CRB1: variants seen among roughly 807,000 people sequenced by gnomAD.
CRB1 encodes the protein protein crumbs homolog 1.
CRB1 carries 83 observed loss-of-function variants against 120.0 expected under a neutral mutation model. The observed-to-expected ratio is 0.69, with a 90% CI of 0.58 to 0.83. The LOEUF (loss-of-function observed/expected upper bound fraction) is 0.83. Among genes scored for constraint, CRB1 ranks in the 40% least tolerant of loss-of-function variants. The pLI, the probability that CRB1 is intolerant of heterozygous loss-of-function variation, is 0.00. For synonymous variants in CRB1, 625 were observed against 612.5 expected (o/e 1.02, Z -0.30); for missense variants, 1,699 against 1,687.6 (o/e 1.01, Z -0.12).
At position 197,430,897 on chromosome 1, in the gene CRB1, A is replaced by C. The variant is rs78570538; in HGVS notation, c.2842+1283A>C. 3.1e-3 allele frequency among the ~76,000 whole-genome samples: 473 copies of C among 151,980 alleles called. 2 individuals are homozygous for C. The highest frequency in any genetic ancestry group is 6.8e-3 in the Middle Eastern group (2 of 292). On this transcript the variant is annotated intron_variant, in intron 8 of 11. Transcript: ENST00000367400. The stretch of plus-strand genomic sequence containing the variant: ...TGCTGTGGACATTAAGTACATTATC[A>C]GCTTACTATAAAAAAAATACATGCT...
chr1:197,227,960 T>A, the CRB1 span, among the ~76,000 whole-genome samples: 11 of 152,210 alleles, frequency 7.2e-5, no homozygotes, highest in African/African-American at 2.7e-4. Context: ...GTTTGGGGCT[T>A]ACGTCCTCTG....
chr1:197,442,925 G>C (rs1160911163), intron 11 of CRB1: 1 of 157,008 alleles, frequency 6.4e-6, no homozygotes, highest in African/African-American at 2.4e-5. Context: ...AGGAGTTTGA[G>C]ACCAGCCTAG....
chr1:197,299,195 TGAA>T (rs1656721599), intron 1 of CRB1, among the ~76,000 whole-genome samples: 1 of 151,952 alleles, frequency 6.6e-6, no homozygotes. Flanking sequence ...AAATGAGACA[TGAA>T]GAACTATTTC....
chr1:197,474,105 T>A (rs1667102222), intron 11 of CRB1, among the ~76,000 whole-genome samples: 1 of 152,184 alleles, frequency 6.6e-6, no homozygotes, highest in African/African-American at 2.4e-5. Context: ...GCAAATAGAA[T>A]TAGGGAAAAT....
intron 5 of CRB1, among the ~76,000 whole-genome samples, chr1:197,362,991 T>G (rs1660854561): frequency 6.6e-6 from 1 of 152,176 alleles, no homozygotes; most frequent in Non-Finnish European, 1.5e-5. Context: ...TTTTGGGATT[T>G]CATCTTGATT....
intron 5 of CRB1, among the ~76,000 whole-genome samples, chr1:197,394,003 T>A (rs1354707854): frequency 1.3e-5 from 2 of 152,150 alleles, no homozygotes; most frequent in Non-Finnish European, 2.9e-5. Context: ...CCACAAAATT[T>A]ATAGCGGTTT....
chr1:197,230,797 A>C, the CRB1 span, among the ~76,000 whole-genome samples: 1 of 152,230 alleles, frequency 6.6e-6, no homozygotes, highest in Admixed American at 6.5e-5. Flanking sequence ...GGTAGAGGTG[A>C]ATATAGAGCA....
chr1:197,329,132 A>C (rs1658707022), intron 2 of CRB1, 129 bp downstream of exon 2: 1 of 825,118 alleles, frequency 1.2e-6, no homozygotes. Context: ...GGAATCAATC[A>C]CTAGATAGAA....
At chr1:197,330,922 C>T (rs1372405160) in intron 2 of CRB1, among the ~76,000 whole-genome samples, 2 of 152,102 alleles carry the variant, frequency 1.3e-5, no homozygotes, top group Non-Finnish European at 2.9e-5. Flanking sequence ...CGGCCAGGCG[C>T]GGTGGCTCAC....
the CRB1 span, among the ~76,000 whole-genome samples, chr1:197,242,857 T>C: frequency 8.5e-5 from 13 of 152,170 alleles, no homozygotes; most frequent in Non-Finnish European, 1.6e-4. Context: ...CAGAAATTGT[T>C]ATTGGTCTAT....
chr1:197,351,057 T>G (rs1660062631), intron 4 of CRB1, among the ~76,000 whole-genome samples: 1 of 151,790 alleles, frequency 6.6e-6, no homozygotes, highest in South Asian at 2.1e-4. Flanking sequence ...AAAGAGCATG[T>G]CTGGCTGGGC....
At chr1:197,475,362 A>C (rs569844990) in intron 11 of CRB1, among the ~76,000 whole-genome samples, 12 of 152,244 alleles carry the variant, frequency 7.9e-5, no homozygotes, top group African/African-American at 2.6e-4. Context: ...TGTGGTATCA[A>C]CAGCCATCTT....
chr1:197,260,676 T>C, the CRB1 span, among the ~76,000 whole-genome samples: 10 of 151,740 alleles, frequency 6.6e-5, no homozygotes, highest in South Asian at 4.2e-4. Flanking sequence ...CAAATCTTTA[T>C]AAGGAAATGC....
intron 5 of CRB1, among the ~76,000 whole-genome samples, chr1:197,410,879 C>T (rs1663675122): frequency 6.6e-6 from 1 of 152,220 alleles, no homozygotes; most frequent in Admixed American, 6.5e-5. Context: ...AGGAAACATA[C>T]TGTCTCCCAA....
rs1456191997 is a variant in CRB1, at chr1:197,347,392, T to C, written c.901T>C (p.Leu301=). The change falls in exon 4 of 12, where the codon TTG becomes CTG. Residue 301 remains leucine, a synonymous_variant. Coordinates refer to ENST00000367400, the MANE Select transcript of CRB1 (RefSeq NM_201253.3). ...SGFTGTHCET[L]MPLCWSKPCH... is the part of the protein sequence containing the mutation. Reference sequence around the variant, plus strand: ...ATTCACAGGGACACACTGTGAGACCTTGATGCCTCTTTGTTGGTCAAAACC... The same window carrying C: ...ATTCACAGGGACACACTGTGAGACCCTGATGCCTCTTTGTTGGTCAAAACC... 2 of 1,613,964 alleles carry C rather than the reference T, an allele frequency of 1.2e-6. No homozygotes were observed. The highest frequency in any genetic ancestry group is 1.1e-5 in the South Asian group (1 of 91,078).
At chr1:197,230,639 C>A in the CRB1 span, among the ~76,000 whole-genome samples, 2 of 152,194 alleles carry the variant, frequency 1.3e-5, no homozygotes, top group Admixed American at 1.3e-4. Context: ...TATCCACTTC[C>A]ATGTCTACCA....
chr1:197,254,267 C>A, the CRB1 span, among the ~76,000 whole-genome samples: 3 of 152,044 alleles, frequency 2.0e-5, no homozygotes, highest in African/African-American at 7.2e-5. Context: ...GCACATGAAT[C>A]CCTTTGTACT....
the CRB1 span, among the ~76,000 whole-genome samples, chr1:197,209,888 TCC>T: frequency 1.3e-5 from 2 of 152,200 alleles, no homozygotes; most frequent in African/African-American, 4.8e-5. Flanking sequence ...AGGCAGATGA[TCC>T]CCCTTTTACA....
intron 7 of CRB1, 96 bp from the exon 8 acceptor site, chr1:197,429,353 T>G: frequency 1.4e-6 from 2 of 1,468,416 alleles, no homozygotes; most frequent in South Asian, 1.1e-5. Context: ...TGCAGGGAAA[T>G]TAGCATTTTA....
Sources: gnomAD v4.1 joint callset for allele counts (sites outside exome capture counted in the v4.1 genomes callset) on GRCh38, gnomAD v4.1.1 for gene constraint, MANE v1.5 for transcripts, NCBI Gene and HGNC (gene_info 2026-07-23, HGNC 2026-07-21) for gene names.